Variants in PDE8B observed in about 807,000 individuals in gnomAD.
PDE8B encodes high affinity cAMP-specific and IBMX-insensitive 3',5'-cyclic phosphodiesterase 8B.
Under a neutral mutation model 101.3 loss-of-function variants are expected in PDE8B, and 26 were observed. The observed-to-expected ratio is 0.26, with a 90% confidence interval of 0.19 to 0.36. The LOEUF (loss-of-function observed/expected upper bound fraction) is 0.36. PDE8B is among the 10% of genes least tolerant of loss of function. The probability of loss-of-function intolerance (pLI) is 1.00; values close to 1 mark genes in which losing one functional copy is unlikely to be tolerated. For missense variants in PDE8B, 810 were observed against 1,163.1 expected (o/e 0.70, Z 4.42); for synonymous variants, 424 against 429.3 (o/e 0.99, Z 0.15).
intron 6 of PDE8B, among the ~76,000 whole-genome samples, chr5:77,344,374 G>A (rs1779783556): frequency 6.6e-6 from 1 of 152,214 alleles, no homozygotes; most frequent in Non-Finnish European, 1.5e-5. Flanking sequence ...TGTATATTGA[G>A]TCCATTGTTG....
At chr5:77,111,375 T>C in the PDE8B span, among the ~76,000 whole-genome samples, 1 of 152,322 alleles carries the variant, frequency 6.6e-6, no homozygotes, top group Admixed American at 6.5e-5. Flanking sequence ...ATTTTCTCTA[T>C]ACCATGGCCC....
chr5:77,130,033 G>A, the PDE8B span, among the ~76,000 whole-genome samples: 1 of 152,082 alleles, frequency 6.6e-6, no homozygotes, highest in African/African-American at 2.4e-5. Flanking sequence ...TCACAGTCTG[G>A]AGCATAGAGA....
chr5:77,317,843 T>C (rs1774097290), intron 2 of PDE8B, among the ~76,000 whole-genome samples: 1 of 151,868 alleles, frequency 6.6e-6, no homozygotes, highest in African/African-American at 2.4e-5. Context: ...CTTAGCAAGG[T>C]CACACATCTC....
chr5:77,237,697 T>C lies in PDE8B; in HGVS notation c.339+26433T>C, dbSNP rs201945364. On this transcript the variant is annotated intron_variant, in intron 1 of 21. Coordinates refer to ENST00000264917, the MANE Select transcript of PDE8B (RefSeq NM_003719.5). ...TTTACAATCTATTGCTTTTCCTTCA[T>C]TCGTGATGTTCCAAGTTTTCTCCTA... Among the ~76,000 whole-genome samples, 3 of 152,210 alleles carry C rather than the reference T, an allele frequency of 2.0e-5. No homozygotes were observed. In the East Asian group the frequency reaches 5.8e-4, roughly 29 times the overall value.
chr5:77,195,966 T>G, the PDE8B span, among the ~76,000 whole-genome samples: 2 of 152,190 alleles, frequency 1.3e-5, no homozygotes, highest in South Asian at 4.1e-4. Flanking sequence ...TGTTCAAAGG[T>G]CAACTGTAGT....
the PDE8B span, among the ~76,000 whole-genome samples, chr5:77,183,319 C>T: frequency 3.6e-3 from 553 of 152,166 alleles, no homozygotes; most frequent in African/African-American, 0.013. Flanking sequence ...AGGGTTTCAC[C>T]ATGTTGGTCA....
intron 2 of PDE8B, among the ~76,000 whole-genome samples, chr5:77,314,405 T>C (rs1438641739): frequency 6.6e-6 from 1 of 152,134 alleles, no homozygotes; most frequent in African/African-American, 2.4e-5. Flanking sequence ...GACCATTTTG[T>C]CAATTTCTGT....
upstream of PDE8B, among the ~76,000 whole-genome samples, chr5:77,206,222 T>C (rs1267689604): frequency 2.0e-5 from 3 of 152,280 alleles, no homozygotes; most frequent in East Asian, 5.8e-4. Context: ...GTTCCAAAAG[T>C]ATGGGATCCA....
intron 1 of PDE8B, among the ~76,000 whole-genome samples, chr5:77,256,304 C>T (rs1022472785): frequency 7.9e-5 from 12 of 152,270 alleles, no homozygotes; most frequent in African/African-American, 2.9e-4. Flanking sequence ...CATACACACA[C>T]GCATGCTCAC....
intron 1 of PDE8B, among the ~76,000 whole-genome samples, chr5:77,243,975 C>T (rs1295450651): frequency 6.6e-6 from 1 of 151,808 alleles, no homozygotes; most frequent in African/African-American, 2.4e-5. Flanking sequence ...TCCTTTTCTG[C>T]TTGATTAAAT....
At chr5:77,357,718 C>T (rs1040916232) in intron 10 of PDE8B, among the ~76,000 whole-genome samples, 1 of 152,234 alleles carries the variant, frequency 6.6e-6, no homozygotes, top group African/African-American at 2.4e-5. Flanking sequence ...GACCCAAGGA[C>T]TCAAGGACTC....
At chr5:77,244,436 C>G (rs1356651664) in intron 1 of PDE8B, among the ~76,000 whole-genome samples, 1 of 152,084 alleles carries the variant, frequency 6.6e-6, no homozygotes, top group Admixed American at 6.5e-5. Flanking sequence ...TGATCTGGGT[C>G]TAGGAAACCA....
intron 1 of PDE8B, among the ~76,000 whole-genome samples, chr5:77,252,391 A>G (rs1758242838): frequency 1.3e-5 from 2 of 152,228 alleles, no homozygotes; most frequent in Admixed American, 6.5e-5. Flanking sequence ...AATTTACCCA[A>G]GTAGGTTCTC....
rs187206027 is a variant in PDE8B, at chr5:77,213,355, T to C, written c.339+2091T>C. ...TGCATTGTGTGGATCTCAGAAAGTATATATTTGAAGTGAAATTTGAGACCA... is the reference window on the plus strand; with the variant it reads ...TGCATTGTGTGGATCTCAGAAAGTACATATTTGAAGTGAAATTTGAGACCA... On this transcript the variant is annotated intron_variant, in intron 1 of 21. Coordinates refer to ENST00000264917, the MANE Select transcript of PDE8B (RefSeq NM_003719.5). 2.4e-3 allele frequency among the ~76,000 whole-genome samples: 350 copies of C among 146,454 alleles called. 1 individual carries two copies. Among genetic ancestry groups the C allele is most frequent in the Non-Finnish European group, 4.1e-3 (267 of 65,756 alleles).
At chr5:77,225,938 C>T (rs1752303991) in intron 1 of PDE8B, among the ~76,000 whole-genome samples, 1 of 144,336 alleles carries the variant, frequency 6.9e-6, no homozygotes, top group Non-Finnish European at 1.5e-5. Context: ...TCAATATGAA[C>T]ACTGAAAACA....
intron 1 of PDE8B, among the ~76,000 whole-genome samples, chr5:77,275,587 A>G (rs1184899546): frequency 6.6e-6 from 1 of 152,204 alleles, no homozygotes; most frequent in Non-Finnish European, 1.5e-5. Context: ...ACTCAACTAA[A>G]ATACAACCAA....
chr5:77,238,177 T>C (rs1200822767), intron 1 of PDE8B, among the ~76,000 whole-genome samples: 1 of 152,232 alleles, frequency 6.6e-6, no homozygotes, highest in African/African-American at 2.4e-5. Context: ...TTCAAATATT[T>C]CTTTGTCTTC....
the PDE8B span, chr5:77,141,099 A>G: frequency 5.6e-3 from 846 of 152,274 alleles, 6 homozygotes; most frequent in African/African-American, 0.02. Flanking sequence ...TGAGATATGA[A>G]TTTTACCTTT....
intron 1 of PDE8B, among the ~76,000 whole-genome samples, chr5:77,308,048 T>C (rs544504690): frequency 6.6e-6 from 1 of 152,338 alleles, no homozygotes; most frequent in South Asian, 2.1e-4. Context: ...TGCTGTTTTA[T>C]AAATTGGTGA....
Sources: allele counts gnomAD v4.1 joint callset (sites outside exome capture counted in the v4.1 genomes callset), GRCh38; gene constraint gnomAD v4.1.1; transcripts MANE v1.5; gene names NCBI Gene and HGNC (gene_info 2026-07-23, HGNC 2026-07-21).